Variants in SEPHS1 observed in about 807,000 individuals in gnomAD.
SEPHS1 encodes zincore component SEPHS1.
A neutral mutation model predicts 39.2 loss-of-function variants in SEPHS1; 7 were observed. The observed-to-expected ratio is 0.18, with a 90% confidence interval of 0.10 to 0.34. The LOEUF (loss-of-function observed/expected upper bound fraction) is 0.34, where lower values mean the gene tolerates loss of function less well. SEPHS1 is among the 10% of genes least tolerant of loss of function. The probability of loss-of-function intolerance (pLI) is 1.00; values close to 1 mark genes in which losing one functional copy is unlikely to be tolerated. For synonymous variants in SEPHS1, 190 were observed against 195.5 expected (o/e 0.97, Z 0.23); for missense variants, 253 against 514.5 (o/e 0.49, Z 4.92).
intron 7 of SEPHS1, among the ~76,000 whole-genome samples, chr10:13,326,398 C>T (rs1422436498): frequency 1.3e-5 from 2 of 150,860 alleles, no homozygotes; most frequent in South Asian, 2.1e-4. Context: ...CACTTGAAGT[C>T]GGAAGGCGGA....
chr10:13,341,164 A>G (rs1833771726), intron 2 of SEPHS1, among the ~76,000 whole-genome samples: 1 of 152,182 alleles, frequency 6.6e-6, no homozygotes, highest in Non-Finnish European at 1.5e-5. Context: ...GAAATCACCA[A>G]TCACATTTCA....
intron 2 of SEPHS1, among the ~76,000 whole-genome samples, chr10:13,339,619 T>C (rs1364325714): frequency 6.6e-6 from 1 of 151,826 alleles, no homozygotes; most frequent in Non-Finnish European, 1.5e-5. Context: ...AGCTGTTCCT[T>C]GGTATCTGTG....
chr10:13,318,963 TG>T lies in SEPHS1; in HGVS notation c.*178del. ...CAAGATTAGGTGCATCTTCAGTTAA[TG>T]TAACAGGAAAAAAAGGCAATGGATT... On this transcript the variant is annotated 3_prime_UTR_variant, in exon 9 of 9. Coordinates refer to ENST00000327347, the MANE Select transcript of SEPHS1 (RefSeq NM_012247.5). The T allele has an allele frequency of 1.6e-6, 1 of 607,020 alleles. No homozygotes were observed. Among genetic ancestry groups the T allele is most frequent in the Non-Finnish European group, 2.8e-6 (1 of 351,682 alleles). 37.6% of individuals were successfully genotyped at this position (607,020 alleles called of 1,614,324 possible). A position where few individuals can be genotyped will look rare whatever the true frequency, so the allele number is the denominator to read the frequency against.
intron 7 of SEPHS1, among the ~76,000 whole-genome samples, chr10:13,325,788 C>T (rs995232257): frequency 6.6e-6 from 1 of 151,190 alleles, no homozygotes; most frequent in African/African-American, 2.4e-5. Context: ...ATCCCAGCTA[C>T]TCCAGAGGCT....
chr10:13,326,542 A>G (rs1833298435), intron 7 of SEPHS1, among the ~76,000 whole-genome samples: 1 of 145,212 alleles, frequency 6.9e-6, no homozygotes, highest in African/African-American at 2.7e-5. Context: ...TGTTCCTCTG[A>G]TCTATAACTT....
At chr10:13,327,879 C>T (rs1325056912) in intron 7 of SEPHS1, among the ~76,000 whole-genome samples, 1 of 152,198 alleles carries the variant, frequency 6.6e-6, no homozygotes, top group African/African-American at 2.4e-5. Flanking sequence ...AACTAATTTG[C>T]TGCTTAAGAA....
At chr10:13,332,260 A>G (rs1833495606) in intron 5 of SEPHS1, among the ~76,000 whole-genome samples, 2 of 152,212 alleles carry the variant, frequency 1.3e-5, no homozygotes, top group African/African-American at 4.8e-5. Context: ...TATGGGAGTG[A>G]AGCCAGACAC....
At chr10:13,319,978 C>T (rs1295120280) in intron 8 of SEPHS1, among the ~76,000 whole-genome samples, 3 of 152,084 alleles carry the variant, frequency 2.0e-5, no homozygotes, top group Non-Finnish European at 2.9e-5. Context: ...TATTGACAAA[C>T]AAAAGGGAAC....
rs1432683072 is a variant in SEPHS1, at chr10:13,344,793, T to A, written c.158A>T (p.Asp53Val). 1 of 1,564,380 alleles carries A rather than the reference T, an allele frequency of 6.4e-7. No individual in the cohort carries two copies. Residue 53 changes from aspartate to valine, a missense_variant, in exon 2 of 9, where the codon GAT becomes GTT. Around this residue, in one of 4 missense-constraint regions of SEPHS1, gnomAD observed 123 missense variants for 196.8 expected, o/e 0.62. Transcript: ENST00000327347. ...ESLQENHFQE[D>V]EQFLGAVMPR... ...CATAACGGCTCCCAGAAACTGCTCA[T>A]CTTCTTGGAAGTGGTTCTCCTGTAA... is the stretch of plus-strand genomic sequence containing the variant.
intron 2 of SEPHS1, 72 bp downstream of exon 2, chr10:13,344,686 G>C: frequency 9.2e-7 from 1 of 1,088,782 alleles, no homozygotes; most frequent in Non-Finnish European, 1.3e-6. Flanking sequence ...TAGGCAACAT[G>C]GGAGGCGAGA....
At chr10:13,333,414 T>C (rs2130667986) in intron 5 of SEPHS1, among the ~76,000 whole-genome samples, 1 of 150,046 alleles carries the variant, frequency 6.7e-6, no homozygotes, top group Non-Finnish European at 1.5e-5. Flanking sequence ...ATTACAGGCA[T>C]GAGCAACCGC....
chr10:13,337,946 C>T (rs927367209), intron 3 of SEPHS1, among the ~76,000 whole-genome samples: 1 of 152,214 alleles, frequency 6.6e-6, no homozygotes, highest in African/African-American at 2.4e-5. Context: ...TCCCACTGTC[C>T]TTGCCACACA....
At chr10:13,325,812 C>A (rs1221727964) in intron 7 of SEPHS1, among the ~76,000 whole-genome samples, 2 of 146,422 alleles carry the variant, frequency 1.4e-5, no homozygotes, top group Non-Finnish European at 3.0e-5. Flanking sequence ...GCAGGAGAAT[C>A]GCTTGAACCT....
chr10:13,325,500 CTG>C (rs1333785886), intron 7 of SEPHS1, among the ~76,000 whole-genome samples: 4 of 152,188 alleles, frequency 2.6e-5, no homozygotes, highest in African/African-American at 9.7e-5. Context: ...CTTCTCTGTC[CTG>C]CTGCCTCATG....
At chr10:13,321,965 G>A (rs1833131033) in intron 8 of SEPHS1, 1 of 428,394 alleles carries the variant, frequency 2.3e-6, no homozygotes, top group African/African-American at 2.1e-5. Context: ...GGGGCGTATG[G>A]TGTCAGACCT....
chr10:13,320,414 C>A (rs1833073460), intron 8 of SEPHS1, among the ~76,000 whole-genome samples: 1 of 151,960 alleles, frequency 6.6e-6, no homozygotes, highest in African/African-American at 2.4e-5. Flanking sequence ...ATCTCCTGAC[C>A]TCGTGATCCA....
At chr10:13,326,581 C>T (rs529710656) in intron 7 of SEPHS1, among the ~76,000 whole-genome samples, 7 of 151,130 alleles carry the variant, frequency 4.6e-5, no homozygotes, top group Middle Eastern at 3.4e-3. Context: ...ATGATCTCAC[C>T]CTGTCACCCA....
intron 7 of SEPHS1, among the ~76,000 whole-genome samples, chr10:13,326,950 T>C (rs1156938134): frequency 1.3e-5 from 2 of 152,116 alleles, no homozygotes; most frequent in Admixed American, 1.3e-4. Flanking sequence ...ATCTAGTCAT[T>C]AAAAATTATG....
At chr10:13,322,346 A>G (rs1349027002) in intron 8 of SEPHS1, among the ~76,000 whole-genome samples, 3 of 151,872 alleles carry the variant, frequency 2.0e-5, no homozygotes, top group Non-Finnish European at 4.4e-5. Flanking sequence ...GGGTTTCACC[A>G]TGTTGGCCAG....
Sources: allele counts gnomAD v4.1 joint callset (sites outside exome capture counted in the v4.1 genomes callset), GRCh38; gene constraint gnomAD v4.1.1; regional missense constraint gnomAD v4.1.1; transcripts MANE v1.5; gene names NCBI Gene and HGNC (gene_info 2026-07-23, HGNC 2026-07-21).